MYO19: variants seen among roughly 807,000 people sequenced by gnomAD.
MYO19 encodes unconventional myosin-XIX.
Under a neutral mutation model 129.2 loss-of-function variants are expected in MYO19, and 132 were observed. The ratio of observed to expected loss-of-function variants is 1.02; its 90% CI spans 0.89 to 1.18. The LOEUF (loss-of-function observed/expected upper bound fraction) is 1.18. MYO19 is among the 50% of genes most tolerant of loss of function. The pLI is 0.00. For synonymous variants in MYO19, 531 were observed against 477.2 expected, an observed-to-expected ratio of 1.11 and a Z score of -1.47; for missense variants, 1,210 against 1,216.7, an observed-to-expected ratio of 0.99 and a Z score of 0.08.
intron 17 of MYO19, 157 bp downstream of exon 17, chr17:36,506,806 T>C (rs1210355202): frequency 2.7e-6 from 3 of 1,113,116 alleles, no homozygotes; most frequent in Admixed American, 6.1e-5. Context: ...GCTTGATTAG[T>C]GGAGACCTCA....
At chr17:36,509,824 CTG>C (rs2072193724) in intron 13 of MYO19, 1 of 152,428 alleles carries the variant, frequency 6.6e-6, no homozygotes. Flanking sequence ...CTCACTCTAT[CTG>C]TGTTCATCAC....
intron 14 of MYO19, 178 bp downstream of exon 14, chr17:36,508,884 G>A (rs1015873888): frequency 4.8e-6 from 3 of 626,316 alleles, no homozygotes; most frequent in Non-Finnish European, 8.6e-6. Flanking sequence ...GTGCAGGAGA[G>A]CAGAGATCTC....
chr17:36,509,103 C>T lies in MYO19; in HGVS notation c.1190G>A (p.Ser397Asn), dbSNP rs1162891859. 6.2e-7 allele frequency: 1 copy of T among 1,613,872 alleles called. No homozygotes were observed. Among genetic ancestry groups the T allele is most frequent in the East Asian group, 2.2e-5 (1 of 44,876 alleles). Residue 397 changes from serine (S) to asparagine (N), a missense_variant, in exon 14 of 26, where the codon AGC becomes AAC. By Grantham distance (46) the Ser-to-Asn change is conservative (BLOSUM62 1). Coordinates refer to ENST00000614623, the MANE Select transcript of MYO19 (RefSeq NM_001163735.2). ...CGAGTCGGTGTCTGCACAGATGCTG[C>T]TGTTGATCACTGATACCAGCCAGTC... ...LFDWLVSVIN[S>N]SICADTDSWT...
At position 36,525,281 on chromosome 17, in the gene MYO19, T is replaced by A; in HGVS notation, c.361A>T (p.Ile121Phe). 2 of 1,613,996 alleles carry A rather than the reference T, an allele frequency of 1.2e-6. No homozygotes were observed. Among genetic ancestry groups the A allele is most frequent in the Non-Finnish European group, 1.7e-6 (2 of 1,179,866 alleles). Residue 121 changes from isoleucine to phenylalanine, a missense_variant, in exon 6 of 26, where the codon ATT (isoleucine) becomes TTT (phenylalanine). Physicochemically the swap from Ile to Phe is conservative, Grantham distance 21. Transcript: ENST00000614623. ...ACAATAGACTGGTTGACTGGTTCAA[T>A]CAGGCTCTTGACATTCCTGTAGGTC... Reference protein sequence around the residue: ...EQTYRNVKSLIEPVNQSIVVS... With the variant: ...EQTYRNVKSLFEPVNQSIVVS...
At chr17:36,534,436 T>A (rs1266816092) in intron 1 of MYO19, among the ~76,000 whole-genome samples, 1 of 152,000 alleles carries the variant, frequency 6.6e-6, no homozygotes, top group Non-Finnish European at 1.5e-5. Context: ...CCCTGACACC[T>A]CCCGGGACCA....
intron 11 of MYO19, chr17:36,512,614 T>C: frequency 3.1e-6 from 4 of 1,285,616 alleles, no homozygotes; most frequent in South Asian, 2.5e-5. Context: ...TGTCCACTTA[T>C]CCTGGGCTTG....
intron 11 of MYO19, chr17:36,512,710 A>C (rs755700500): frequency 1.6e-6 from 2 of 1,289,126 alleles, no homozygotes; most frequent in Middle Eastern, 2.1e-4. Flanking sequence ...TTTCCACTGC[A>C]TTGCTACCTC....
In MYO19 at chr17:36,496,077, C is replaced by A. The variant is rs2070938666; in HGVS notation, c.*174G>T. 2 of 928,634 alleles carry A rather than the reference C, an allele frequency of 2.2e-6. No homozygotes were observed. Among genetic ancestry groups the A allele is most frequent in the African/African-American group, 1.7e-5 (1 of 60,572 alleles). 57.5% of individuals were successfully genotyped at this position (928,634 alleles called of 1,614,324 possible). A position where few individuals can be genotyped will look rare whatever the true frequency, so the allele number is the denominator to read the frequency against. ...ATCAGTGCTTGATGTAGCCTGGAACCCCAGGCCCACTGACGCACTGGGCAC... is the reference window on the plus strand; with the variant it reads ...ATCAGTGCTTGATGTAGCCTGGAACACCAGGCCCACTGACGCACTGGGCAC... On this transcript the variant is annotated 3_prime_UTR_variant, in exon 26 of 26. Transcript: ENST00000614623.
rs530708717 is a variant in MYO19, at chr17:36,496,092, G to A, written c.*159C>T. On this transcript the variant is annotated 3_prime_UTR_variant, in exon 26 of 26. Coordinates refer to ENST00000614623, the MANE Select transcript of MYO19 (RefSeq NM_001163735.2). ...AGCCTGGAACCCCAGGCCCACTGAC[G>A]CACTGGGCACGGGGCTCTGGGTCGA... 1.2e-5 allele frequency: 12 copies of A among 1,002,876 alleles called. No homozygotes were observed. Among genetic ancestry groups the A allele is most frequent in the South Asian group, 3.2e-5 (2 of 62,726 alleles). The allele number at this position is 1,002,876 out of a possible 1,614,324, so 62.1% of individuals were successfully genotyped here.
chr17:36,508,016 A>G (rs923658888), intron 14 of MYO19, 92 bp from the exon 15 acceptor site: 1 of 1,391,614 alleles, frequency 7.2e-7, no homozygotes, highest in African/African-American at 1.4e-5. Flanking sequence ...GCCCCTGCCA[A>G]TGCCTTATAC....
upstream of MYO19, among the ~76,000 whole-genome samples, chr17:36,544,317 G>C (rs2074222341): frequency 6.6e-6 from 1 of 152,232 alleles, no homozygotes; most frequent in African/African-American, 2.4e-5. Context: ...TCGGGATGCA[G>C]CTACGCAGCG....
Position 36,515,116 on chromosome 17 carries a change from T to C in MYO19, c.614A>G (p.Asn205Ser). 6.2e-7 allele frequency: 1 copy of C among 1,607,190 alleles called. No homozygotes were observed. Among genetic ancestry groups the C allele is most frequent in the Non-Finnish European group, 8.5e-7 (1 of 1,176,714 alleles). The part of the protein sequence containing the change: ...RFGKFIQLQL[N>S]RAQQMTGAAV... ...CCAGGGCAACAGCAGCTATTACCTG[T>C]TCAGCTGGAGCTGGATGAACTTCCC... Residue 205 changes from asparagine (N) to serine (S), a missense_variant, in exon 8 of 26, where the codon AAC (asparagine) becomes AGC (serine). Physicochemically the swap from Asn to Ser is conservative, Grantham distance 46 (BLOSUM62 1). Transcript: ENST00000614623.
chr17:36,508,088 C>T lies in MYO19; in HGVS notation c.1232-164G>A, dbSNP rs56767574. 887 of 646,488 alleles carry T rather than the reference C, an allele frequency of 1.4e-3. 10 individuals carry two copies. The African/African-American group carries it at 0.016, about 11-fold the overall frequency. The allele number at this position is 646,488 out of a possible 1,614,324, so 40.0% of individuals were successfully genotyped here. On this transcript the variant is annotated intron_variant, in intron 14 of 25. Coordinates refer to ENST00000614623, the MANE Select transcript of MYO19 (RefSeq NM_001163735.2). ...CCTGTGGTGGGCAGAACATACCTTCCCCACCCTCCACCCAAGGTGGCTCCC... is the reference window on the plus strand; with the variant it reads ...CCTGTGGTGGGCAGAACATACCTTCTCCACCCTCCACCCAAGGTGGCTCCC...
chr17:36,530,811 G>A (rs2073790302), intron 3 of MYO19, among the ~76,000 whole-genome samples: 1 of 152,080 alleles, frequency 6.6e-6, no homozygotes, highest in Non-Finnish European at 1.5e-5. Context: ...AGTAGAAATG[G>A]GGTTTTGCCA....
chr17:36,507,860 G>A lies in MYO19; in HGVS notation c.1296C>T (p.Asn432=), dbSNP rs1464855249. The change falls in exon 15 of 26, where the codon AAC becomes AAT. Residue 432 remains asparagine, a synonymous_variant. Coordinates refer to ENST00000614623, the MANE Select transcript of MYO19 (RefSeq NM_001163735.2). ...GCTGCTGCAGCTTCTCATTGGCGTAGTTGATGCACAACTGTTCCAGACTGT... is the reference window on the plus strand; with the variant it reads ...GCTGCTGCAGCTTCTCATTGGCGTAATTGATGCACAACTGTTCCAGACTGT... ...PDNSLEQLCI[N]YANEKLQQHF... The A allele has an allele frequency of 1.9e-6, 3 of 1,613,648 alleles. No homozygotes were observed. Among genetic ancestry groups the A allele is most frequent in the Non-Finnish European group, 2.5e-6 (3 of 1,179,756 alleles).
chr17:36,529,761 G>A (rs1440316697), intron 3 of MYO19, among the ~76,000 whole-genome samples: 1 of 152,138 alleles, frequency 6.6e-6, no homozygotes, highest in Non-Finnish European at 1.5e-5. Flanking sequence ...CACAATTTAT[G>A]AAGAGTTCTG....
intron 6 of MYO19, among the ~76,000 whole-genome samples, chr17:36,519,533 CCT>C (rs1370103818): frequency 6.6e-6 from 1 of 151,852 alleles, no homozygotes; most frequent in African/African-American, 2.4e-5. Context: ...ATCTTAGTTC[CCT>C]TTTTTCTTAT....
At chr17:36,521,868 T>C (rs1293727096) in intron 6 of MYO19, among the ~76,000 whole-genome samples, 1 of 151,366 alleles carries the variant, frequency 6.6e-6, no homozygotes, top group Non-Finnish European at 1.5e-5. Context: ...CCATCTCTAC[T>C]AAAAATACAA....
At chr17:36,498,654 A>C in intron 24 of MYO19, 95 bp from the exon 25 acceptor site, 2 of 1,385,210 alleles carry the variant, frequency 1.4e-6, no homozygotes, top group Non-Finnish European at 1.9e-6. Context: ...TCATCTTAAC[A>C]AGGTGAACTG....
Sources: allele counts gnomAD v4.1 joint callset (sites outside exome capture counted in the v4.1 genomes callset), GRCh38; gene constraint gnomAD v4.1.1; transcripts MANE v1.5; gene names NCBI Gene and HGNC (gene_info 2026-07-23, HGNC 2026-07-21).